Variants in ALDH1L2 observed in about 807,000 individuals in gnomAD.
The protein encoded by ALDH1L2 is mitochondrial 10-formyltetrahydrofolate dehydrogenase.
A neutral mutation model predicts 111.0 loss-of-function variants in ALDH1L2; 91 were observed. The ratio of observed to expected loss-of-function variants is 0.82; its 90% CI spans 0.69 to 0.98. The LOEUF (loss-of-function observed/expected upper bound fraction) is 0.98. Ranked by LOEUF, ALDH1L2 falls within the 50% of genes least tolerant of loss-of-function variation. The probability of loss-of-function intolerance (pLI) is 0.00; values close to 1 mark genes in which losing one functional copy is unlikely to be tolerated. For synonymous variants in ALDH1L2, 374 were observed against 392.6 expected (o/e 0.95, Z 0.56); for missense variants, 995 against 1,126.8 (o/e 0.88, Z 1.67).
chr12:105,064,141 TTTTTTTTTTTTTTG>T, intron 6 of ALDH1L2, among the ~76,000 whole-genome samples: 1 of 125,676 alleles, frequency 8.0e-6, no homozygotes, highest in African/African-American at 3.3e-5. Flanking sequence ...TTTTTTTTTT[TTTTTTTTTTTTTTG>T]TATTTTTAGT....
At chr12:105,030,093 T>C in intron 21 of ALDH1L2, 1 of 314,936 alleles carries the variant, frequency 3.2e-6, no homozygotes, top group Non-Finnish European at 5.7e-6. Context: ...AACTAAAATT[T>C]ATTCAGCTAA....
At chr12:105,066,951 G>C (rs868198827) in intron 4 of ALDH1L2, among the ~76,000 whole-genome samples, 1 of 152,074 alleles carries the variant, frequency 6.6e-6, no homozygotes, top group Non-Finnish European at 1.5e-5. Flanking sequence ...AAGCAAGGCC[G>C]GGCGCAGTGG....
At chr12:105,043,939 A>G (rs1217740452) in intron 15 of ALDH1L2, among the ~76,000 whole-genome samples, 1 of 152,248 alleles carries the variant, frequency 6.6e-6, no homozygotes, top group Non-Finnish European at 1.5e-5. Flanking sequence ...TCTTTCACAC[A>G]TATAACAAAG....
Position 105,026,514 on chromosome 12 carries a change from G to C in ALDH1L2, c.2716+31C>G, listed in dbSNP as rs760372370. 3 of 1,612,176 alleles carry C rather than the reference G, an allele frequency of 1.9e-6. No homozygotes were observed. The Admixed American group carries it at 5.0e-5, about 27-fold the overall frequency. ...GATTTTTCTGTGATGTGACAACAAA[G>C]GGAAGGTGAAGCAGAAAAGTAAAGC... On this transcript the variant is annotated intron_variant, in intron 22 of 22. Coordinates refer to ENST00000258494, the MANE Select transcript of ALDH1L2 (RefSeq NM_001034173.4).
Position 105,029,393 on chromosome 12 carries a change from G to T in ALDH1L2, c.2516+931C>A, listed in dbSNP as rs148467356. ...GGCAGAGTTGGTCCTCTGACCCACT[G>T]CACCATCCTGCCTCTGACCCTCTGT... On this transcript the variant is annotated intron_variant, in intron 21 of 22. Transcript: ENST00000258494. Among the ~76,000 whole-genome samples, 523 of 152,190 alleles carry T rather than the reference G, an allele frequency of 3.4e-3. 5 individuals carry two copies. The highest frequency in any genetic ancestry group is 0.012 in the African/African-American group (499 of 41,508).
chr12:105,077,378 C>T (rs1332591713), intron 1 of ALDH1L2, among the ~76,000 whole-genome samples: 1 of 151,604 alleles, frequency 6.6e-6, no homozygotes, highest in African/African-American at 2.4e-5. Flanking sequence ...TCAAGCAATT[C>T]TCCTGCCTCA....
In ALDH1L2 at chr12:105,028,033, C is replaced by A. The variant is rs192423236; in HGVS notation, c.2517-1289G>T. On this transcript the variant is annotated intron_variant, in intron 21 of 22. Transcript: ENST00000258494. ...AATGTGCCTGTCATAGTGTATGTAC[C>A]TTCTTCTAGTGTGATCCTAATGCTT... 3.7e-3 allele frequency among the ~76,000 whole-genome samples: 566 copies of A among 152,260 alleles called. 3 individuals carry two copies. The highest frequency in any genetic ancestry group is 6.1e-3 in the Non-Finnish European group (417 of 68,008).
chr12:105,081,030 T>C (rs1215844126), intron 1 of ALDH1L2, among the ~76,000 whole-genome samples: 1 of 152,238 alleles, frequency 6.6e-6, no homozygotes, highest in Non-Finnish European at 1.5e-5. Context: ...ATTATTTACA[T>C]AGCATCTACT....
rs981184484 is a variant in ALDH1L2 at position 105,024,355 on chromosome 12, C to A, written c.*69G>T. 1 of 1,572,796 alleles carries A rather than the reference C, an allele frequency of 6.4e-7. No homozygotes were observed. ...CTGACACCTCCTGCCTCAACACACC[C>A]AATCTTCTTAAGTGTGTCCAGAGTT... On this transcript the variant is annotated 3_prime_UTR_variant, in exon 23 of 23. Coordinates refer to ENST00000258494, the MANE Select transcript of ALDH1L2 (RefSeq NM_001034173.4).
chr12:105,062,139 C>T (rs1367195211), intron 7 of ALDH1L2, among the ~76,000 whole-genome samples: 12 of 152,196 alleles, frequency 7.9e-5, no homozygotes, highest in Admixed American at 7.9e-4. Flanking sequence ...GTGCTTGCTT[C>T]AGCAGCACAT....
At position 105,070,700 on chromosome 12, in the gene ALDH1L2, C is replaced by A. The variant is rs778819639; in HGVS notation, c.298G>T (p.Ala100Ser). 4 of 1,614,216 alleles carry A rather than the reference C, an allele frequency of 2.5e-6. No homozygotes were observed. Among genetic ancestry groups the A allele is most frequent in the Non-Finnish European group, 3.4e-6 (4 of 1,180,040 alleles). The change falls in exon 3 of 23, where the codon GCA (alanine) becomes TCA (serine). Residue 100 changes from alanine to serine, a missense_variant. Ala to Ser is a moderately conservative substitution (Grantham distance 99, BLOSUM62 1). Coordinates refer to ENST00000258494, the MANE Select transcript of ALDH1L2 (RefSeq NM_001034173.4). ...CAGAAAGGGAGCACATTTAGCTCTGCACCCACGGATCTGTAGGCTTCTGCC... is the reference window on the plus strand; with the variant it reads ...CAGAAAGGGAGCACATTTAGCTCTGAACCCACGGATCTGTAGGCTTCTGCC... ...EVAEAYRSVGAELNVLPFCTQ... is the reference protein window; with the variant it reads ...EVAEAYRSVGSELNVLPFCTQ...
intron 18 of ALDH1L2, among the ~76,000 whole-genome samples, chr12:105,035,123 TA>T (rs1472667441): frequency 3.3e-5 from 5 of 152,208 alleles, no homozygotes; most frequent in Admixed American, 2.0e-4. Flanking sequence ...TAATTTTTTC[TA>T]TTTTTATTTA....
Position 105,046,193 on chromosome 12 carries a change from C to CTCTA in ALDH1L2, c.1863+516_1863+517insTAGA, listed in dbSNP as rs1256472590. On this transcript the variant is annotated intron_variant, in intron 15 of 22. Coordinates refer to ENST00000258494, the MANE Select transcript of ALDH1L2 (RefSeq NM_001034173.4). ...TCTCTCTCTCTCTCTCTCTCTCTCTCTATATATATATATATATATATATAT... is the reference window on the plus strand; with the variant it reads ...TCTCTCTCTCTCTCTCTCTCTCTCTCTCTATATATATATATATATATATATATAT... Among the ~76,000 whole-genome samples, 85 of 20,126 alleles carry CTCTA rather than the reference C, an allele frequency of 4.2e-3. 1 individual carries two copies. The highest frequency in any genetic ancestry group is 6.6e-3 in the Admixed American group (8 of 1,206). The allele number at this position is 20,126 out of a possible 152,430, so 13.2% of individuals were successfully genotyped here. A position where few individuals can be genotyped will look rare whatever the true frequency, so the allele number is the denominator to read the frequency against.
At chr12:105,061,268 A>G (rs1414930979) in intron 8 of ALDH1L2, among the ~76,000 whole-genome samples, 196 bp from the exon 9 acceptor site, 4 of 152,094 alleles carry the variant, frequency 2.6e-5, no homozygotes, top group African/African-American at 9.7e-5. Flanking sequence ...GCACCACCCC[A>G]GTCCTAGCCC....
intron 3 of ALDH1L2, among the ~76,000 whole-genome samples, chr12:105,069,750 G>A (rs891071935): frequency 2.6e-5 from 4 of 152,172 alleles, no homozygotes; most frequent in Non-Finnish European, 5.9e-5. Context: ...AAATGTGCAG[G>A]TAAAGGAGAG....
At chr12:105,083,296 G>A (rs1878415182) in intron 1 of ALDH1L2, among the ~76,000 whole-genome samples, 1 of 152,162 alleles carries the variant, frequency 6.6e-6, no homozygotes, top group East Asian at 1.9e-4. Context: ...CAGGAGAGCA[G>A]GCCAAAGTCC....
intron 9 of ALDH1L2, 143 bp from the exon 10 acceptor site, chr12:105,058,363 A>C (rs1876770870): frequency 1.3e-6 from 1 of 771,462 alleles, no homozygotes; most frequent in Non-Finnish European, 1.9e-6. Context: ...TGTGATACTC[A>C]TCAGAGAAAT....
chr12:105,025,978 C>G (rs971017258), intron 22 of ALDH1L2, among the ~76,000 whole-genome samples: 2 of 152,192 alleles, frequency 1.3e-5, no homozygotes, highest in African/African-American at 4.8e-5. Context: ...GTGTTTCGCA[C>G]TGAAAGTAAG....
chr12:105,045,117 C>T (rs1450756258), intron 15 of ALDH1L2, among the ~76,000 whole-genome samples: 1 of 152,088 alleles, frequency 6.6e-6, no homozygotes, highest in African/African-American at 2.4e-5. Flanking sequence ...GAGTTTCACT[C>T]TTGTTGCCCA....
Sources: gnomAD v4.1 joint callset for allele counts (sites outside exome capture counted in the v4.1 genomes callset) on GRCh38, gnomAD v4.1.1 for gene constraint, MANE v1.5 for transcripts, NCBI Gene and HGNC (gene_info 2026-07-23, HGNC 2026-07-21) for gene names.